Variants in KCNN2 observed in about 807,000 individuals in gnomAD.
KCNN2 encodes the protein small conductance calcium-activated potassium channel protein 2.
Under a neutral mutation model 55.5 loss-of-function variants are expected in KCNN2, and 24 were observed. The ratio of observed to expected loss-of-function variants is 0.43; its 90% CI spans 0.31 to 0.61. The LOEUF (loss-of-function observed/expected upper bound fraction) is 0.61. Ranked by LOEUF, KCNN2 falls within the 20% of genes least tolerant of loss-of-function variation. The probability of loss-of-function intolerance (pLI) is 0.08; values close to 1 mark genes in which losing one functional copy is unlikely to be tolerated. For synonymous variants in KCNN2, 431 were observed against 336.1 expected (o/e 1.28, Z -3.09); for missense variants, 754 against 853.6 (o/e 0.88, Z 1.45).
intron 1 of KCNN2, among the ~76,000 whole-genome samples, chr5:114,188,484 A>T (rs1032769890): frequency 1.3e-5 from 2 of 152,314 alleles, no homozygotes; most frequent in Middle Eastern, 3.4e-3. Flanking sequence ...TGCAAAAAAG[A>T]TAAAAATTAT....
chr5:114,205,931 A>C (rs1414113435), intron 1 of KCNN2, among the ~76,000 whole-genome samples: 1 of 152,184 alleles, frequency 6.6e-6, no homozygotes, highest in Non-Finnish European at 1.5e-5. Flanking sequence ...TTACTTTTTG[A>C]AAATAGGATA....
intron 1 of KCNN2, among the ~76,000 whole-genome samples, chr5:114,095,306 T>C (rs1305313028): frequency 6.6e-6 from 1 of 152,242 alleles, no homozygotes; most frequent in African/African-American, 2.4e-5. Context: ...GTGAGGTTTC[T>C]GGCACTGTGC....
At chr5:114,205,677 G>T (rs139743323) in intron 1 of KCNN2, among the ~76,000 whole-genome samples, 4,478 of 152,198 alleles carry the variant, frequency 0.029, 221 homozygotes, top group African/African-American at 0.1. Context: ...TGGGCCTTCG[G>T]GAGCTTATTT....
chr5:114,428,862 T>C (rs1181849330), intron 3 of KCNN2, among the ~76,000 whole-genome samples: 1 of 152,118 alleles, frequency 6.6e-6, no homozygotes, highest in Non-Finnish European at 1.5e-5. Flanking sequence ...CACTTAGCAA[T>C]ATGCATTTAA....
At chr5:114,198,793 A>T (rs1381815969) in intron 1 of KCNN2, among the ~76,000 whole-genome samples, 1 of 152,082 alleles carries the variant, frequency 6.6e-6, no homozygotes, top group Non-Finnish European at 1.5e-5. Context: ...CTGAGAAGAT[A>T]CTTGATATGA....
rs532657064 is a variant in KCNN2, at chr5:114,188,581, A to G, written c.-270-32899A>G. Among the ~76,000 whole-genome samples, 13 of 152,336 alleles carry G rather than the reference A, an allele frequency of 8.5e-5. No homozygotes were observed. The South Asian group carries it at 2.1e-3, about 24-fold the overall frequency. On this transcript the variant is annotated intron_variant, in intron 1 of 10. Transcript: ENST00000512097. ...AGTGTACAGAACATTCCGAGTTCAT[A>G]CAAATAAATTGTTAAGACTAATAAA...
At chr5:114,287,041 C>T (rs1012806884) in intron 2 of KCNN2, among the ~76,000 whole-genome samples, 3 of 152,182 alleles carry the variant, frequency 2.0e-5, no homozygotes, top group African/African-American at 4.8e-5. Context: ...GATGCTCCTA[C>T]AGTTAGTAAG....
At chr5:114,345,773 G>A (rs1757094321) in intron 2 of KCNN2, among the ~76,000 whole-genome samples, 1 of 151,946 alleles carries the variant, frequency 6.6e-6, no homozygotes, top group African/African-American at 2.4e-5. Context: ...GGAGGCCTCT[G>A]GGAGCTTTTA....
intron 2 of KCNN2, among the ~76,000 whole-genome samples, chr5:114,259,470 G>T (rs560126975): frequency 1.5e-4 from 23 of 152,340 alleles, no homozygotes; most frequent in African/African-American, 4.1e-4. Context: ...GTTGGTGAGT[G>T]ATCTGGCAGG....
intron 2 of KCNN2, among the ~76,000 whole-genome samples, chr5:114,306,238 G>T (rs556429408): frequency 2.6e-5 from 4 of 152,342 alleles, no homozygotes; most frequent in Middle Eastern, 3.4e-3. Flanking sequence ...CCTGCCAAGT[G>T]CCACAGTCTA....
intron 2 of KCNN2, among the ~76,000 whole-genome samples, chr5:114,373,992 C>T (rs541529564): frequency 6.6e-6 from 1 of 151,904 alleles, no homozygotes; most frequent in South Asian, 2.1e-4. Flanking sequence ...CTGAATCTTC[C>T]TGTGAGCAGG....
chr5:114,095,089 TTTCTC>T (rs1043397509), intron 1 of KCNN2, among the ~76,000 whole-genome samples: 2 of 152,148 alleles, frequency 1.3e-5, no homozygotes, highest in African/African-American at 4.8e-5. Context: ...AGCAGCTTCT[TTTCTC>T]TAACCACATC....
chr5:114,288,503 C>T (rs556475865), intron 2 of KCNN2, among the ~76,000 whole-genome samples: 10,302 of 149,294 alleles, frequency 0.069, 1,194 homozygotes, highest in African/African-American at 0.24. Flanking sequence ...TATATATACA[C>T]ACACACACAC....
intron 1 of KCNN2, among the ~76,000 whole-genome samples, chr5:114,063,490 G>A (rs545686941): frequency 6.6e-6 from 1 of 152,126 alleles, no homozygotes; most frequent in Non-Finnish European, 1.5e-5. Context: ...TCAGTGTCTA[G>A]AGAACCACCC....
chr5:114,308,560 G>A (rs987448721), intron 2 of KCNN2, among the ~76,000 whole-genome samples: 4 of 152,114 alleles, frequency 2.6e-5, no homozygotes, highest in African/African-American at 7.2e-5. Flanking sequence ...CCACACCTCA[G>A]TATCAGAGAA....
At chr5:114,193,238 G>A (rs781370622) in intron 1 of KCNN2, among the ~76,000 whole-genome samples, 3 of 152,050 alleles carry the variant, frequency 2.0e-5, no homozygotes, top group African/African-American at 7.2e-5. Context: ...TCAGCTCAGC[G>A]TCTGGCCTTT....
chr5:114,456,533 G>T (rs1052058796), intron 3 of KCNN2, among the ~76,000 whole-genome samples: 2 of 152,206 alleles, frequency 1.3e-5, no homozygotes, highest in African/African-American at 4.8e-5. Flanking sequence ...GCAGCACACA[G>T]ATCAAGGAGT....
intron 4 of KCNN2, among the ~76,000 whole-genome samples, chr5:114,469,324 G>A (rs1330722552): frequency 1.3e-5 from 2 of 152,100 alleles, no homozygotes; most frequent in African/African-American, 2.4e-5. Context: ...TGATAAACAA[G>A]CCAAGCGAAA....
At chr5:114,133,957 A>G (rs1402020549) in intron 1 of KCNN2, among the ~76,000 whole-genome samples, 1 of 152,200 alleles carries the variant, frequency 6.6e-6, no homozygotes, top group Non-Finnish European at 1.5e-5. Context: ...TTTTGAACCC[A>G]TTTAAGGGGC....
Sources: gnomAD v4.1 joint callset for allele counts (sites outside exome capture counted in the v4.1 genomes callset) on GRCh38, gnomAD v4.1.1 for gene constraint, MANE v1.5 for transcripts, NCBI Gene and HGNC (gene_info 2026-07-23, HGNC 2026-07-21) for gene names.